The following RGS6 variants were observed in gnomAD, a reference collection of about 807,000 sequenced individuals.
RGS6 encodes regulator of G protein signaling 6, also known as regulator of G-protein signaling 6.
A neutral mutation model predicts 78.5 loss-of-function variants in RGS6; 30 were observed. The ratio of observed to expected loss-of-function variants is 0.38; its 90% CI spans 0.29 to 0.52. The LOEUF (loss-of-function observed/expected upper bound fraction) is 0.52. Ranked by LOEUF, RGS6 falls within the 20% of genes least tolerant of loss-of-function variation. RGS6 has a pLI of 0.85. For synonymous variants in RGS6, 206 were observed against 206.0 expected, an observed-to-expected ratio of 1.00 and a Z score of 0.00; for missense variants, 495 against 609.7, an observed-to-expected ratio of 0.81 and a Z score of 1.98.
chr14:72,317,743 A>G (rs1020043454), intron 2 of RGS6, among the ~76,000 whole-genome samples: 6 of 152,208 alleles, frequency 3.9e-5, no homozygotes, highest in African/African-American at 1.4e-4. Context: ...ATGTCATCAG[A>G]AAAGAAGCTC....
intron 2 of RGS6, among the ~76,000 whole-genome samples, chr14:72,255,336 C>T (rs535642339): frequency 6.6e-6 from 1 of 152,192 alleles, no homozygotes; most frequent in Admixed American, 6.5e-5. Context: ...TGGTTGACTC[C>T]TCAAGAAGGG....
chr14:71,976,478 T>A (rs1424432205), intron 2 of RGS6, among the ~76,000 whole-genome samples: 8 of 148,088 alleles, frequency 5.4e-5, no homozygotes, highest in Non-Finnish European at 1.0e-4. Context: ...GATCTCATTG[T>A]TCAGTTCCCA....
intron 17 of RGS6, among the ~76,000 whole-genome samples, chr14:72,560,070 C>G (rs1274570519): frequency 6.6e-6 from 1 of 152,072 alleles, no homozygotes; most frequent in Non-Finnish European, 1.5e-5. Context: ...TTTGAATGTA[C>G]TCATTGGCAA....
At chr14:71,998,484 C>T (rs1271018898) in intron 2 of RGS6, among the ~76,000 whole-genome samples, 7 of 152,300 alleles carry the variant, frequency 4.6e-5, no homozygotes, top group African/African-American at 1.7e-4. Flanking sequence ...ACCCTGGCAT[C>T]GAAAAGCTGG....
chr14:72,447,701 T>C (rs2095400245), intron 3 of RGS6, among the ~76,000 whole-genome samples: 2 of 152,154 alleles, frequency 1.3e-5, no homozygotes, highest in Non-Finnish European at 2.9e-5. Context: ...ATTATTACTG[T>C]CCTGTTTTCT....
chr14:72,408,575 A>G (rs1477750245), intron 3 of RGS6, among the ~76,000 whole-genome samples: 1 of 152,192 alleles, frequency 6.6e-6, no homozygotes, highest in Non-Finnish European at 1.5e-5. Flanking sequence ...CATCAGGTAC[A>G]AAAGCAAAAC....
At chr14:72,040,907 T>C (rs1393400918) in intron 2 of RGS6, among the ~76,000 whole-genome samples, 1 of 152,202 alleles carries the variant, frequency 6.6e-6, no homozygotes, top group African/African-American at 2.4e-5. Flanking sequence ...CTCAAGAATT[T>C]GTTAGGTTCT....
chr14:72,296,817 G>T (rs922512704), intron 2 of RGS6, among the ~76,000 whole-genome samples: 1 of 152,010 alleles, frequency 6.6e-6, no homozygotes. Flanking sequence ...TTCTCTTATG[G>T]TTATTGCGTT....
chr14:72,541,233 T>A (rs2097323066), intron 17 of RGS6: 7 of 1,442,328 alleles, frequency 4.9e-6, no homozygotes, highest in African/African-American at 2.8e-5. Context: ...GACTACTGTG[T>A]GACTGGTATA....
At chr14:72,446,234 G>C (rs1028025251) in intron 3 of RGS6, among the ~76,000 whole-genome samples, 3 of 152,184 alleles carry the variant, frequency 2.0e-5, no homozygotes, top group African/African-American at 7.2e-5. Context: ...GATCTTAGCT[G>C]TCTGGCCTCC....
intron 2 of RGS6, among the ~76,000 whole-genome samples, chr14:71,970,935 A>AC (rs2093763706): frequency 6.6e-6 from 1 of 152,130 alleles, no homozygotes; most frequent in Non-Finnish European, 1.5e-5. Flanking sequence ...CTAGGAATTA[A>AC]CCAGATGGAG....
At chr14:71,967,974 T>C (rs575587339) in intron 2 of RGS6, among the ~76,000 whole-genome samples, 3 of 152,382 alleles carry the variant, frequency 2.0e-5, no homozygotes, top group Non-Finnish European at 2.9e-5. Context: ...GCATGACTTA[T>C]TTATTGACTT....
At chr14:71,918,184 C>CAAAAAAAAA in the RGS6 span, among the ~76,000 whole-genome samples, 13 of 33,724 alleles carry the variant, frequency 3.9e-4, 3 homozygotes, top group Non-Finnish European at 6.3e-4. Context: ...ACTCCAGTCT[C>CAAAAAAAAA]AAAAAAAAAA....
intron 2 of RGS6, among the ~76,000 whole-genome samples, chr14:72,321,717 A>G (rs531588185): frequency 2.6e-5 from 4 of 152,148 alleles, no homozygotes; most frequent in African/African-American, 7.2e-5. Context: ...TACCAAAAAG[A>G]TAAGGAAAAA....
rs747957850 is a variant in RGS6, at chr14:72,536,266, CAAG to C, written c.1366_1368del (p.Lys456del). ...ATGCTTACCAGGATTTGCTGCTGGC[CAAG>C]AAGAAGGTATCTTTGGGAAGGGCAG... On this transcript the variant is annotated inframe_deletion, in exon 16 of 18. Transcript: ENST00000553525. 8 of 1,613,490 alleles carry C rather than the reference CAAG, an allele frequency of 5.0e-6. No individual in the cohort carries two copies. Among genetic ancestry groups the C allele is most frequent in the Middle Eastern group, 1.6e-4 (1 of 6,084 alleles).
At chr14:72,394,104 C>A (rs183094670) in intron 3 of RGS6, among the ~76,000 whole-genome samples, 103 of 152,006 alleles carry the variant, frequency 6.8e-4, no homozygotes, top group Middle Eastern at 3.4e-3. Flanking sequence ...GGGGAACCCA[C>A]CCCTGATAAT....
chr14:72,129,178 C>A (rs888973687), intron 2 of RGS6, among the ~76,000 whole-genome samples: 9 of 152,122 alleles, frequency 5.9e-5, no homozygotes, highest in African/African-American at 9.7e-5. Context: ...ATCTTACTTA[C>A]ACCAGACAGT....
intron 2 of RGS6, among the ~76,000 whole-genome samples, chr14:72,040,849 G>A (rs1443222224): frequency 6.6e-6 from 1 of 152,054 alleles, no homozygotes; most frequent in Non-Finnish European, 1.5e-5. Flanking sequence ...CAAGTGTGCT[G>A]TTAAACTCCT....
At chr14:72,373,390 C>A (rs2083919252) in intron 3 of RGS6, among the ~76,000 whole-genome samples, 2 of 152,008 alleles carry the variant, frequency 1.3e-5, no homozygotes, top group Admixed American at 6.6e-5. Flanking sequence ...ATAACAATAC[C>A]CATTGGGGCA....
Sources: gnomAD v4.1 joint callset for allele counts (sites outside exome capture counted in the v4.1 genomes callset) on GRCh38, gnomAD v4.1.1 for gene constraint, MANE v1.5 for transcripts, NCBI Gene and HGNC (gene_info 2026-07-23, HGNC 2026-07-21) for gene names.